The following PTGDR variants were observed in gnomAD, a reference collection of about 807,000 sequenced individuals.
PTGDR encodes the protein prostaglandin D2 receptor.
In PTGDR, 19 loss-of-function variants were observed where a neutral mutation model predicts 17.4. The ratio of observed to expected loss-of-function variants is 1.09; its 90% CI spans 0.76 to 1.60. The LOEUF is 1.60. Ranked by LOEUF, PTGDR falls within the 40% of genes most tolerant of loss-of-function variation. The pLI is 0.00. For missense variants in PTGDR, 526 were observed against 481.9 expected (o/e 1.09, Z -0.86); for synonymous variants, 267 against 224.2 (o/e 1.19, Z -1.71).
chr14:52,274,993 G>C lies in PTGDR; in HGVS notation c.*29G>C, dbSNP rs1202701737. The C allele has an allele frequency of 7.1e-7, 1 of 1,417,022 alleles. No homozygotes were observed. The highest frequency in any genetic ancestry group is 9.7e-7 in the Non-Finnish European group (1 of 1,027,206). 87.8% of individuals were successfully genotyped at this position (1,417,022 alleles called of 1,614,324 possible). A position where few individuals can be genotyped will look rare whatever the true frequency, so the allele number is the denominator to read the frequency against. On this transcript the variant is annotated 3_prime_UTR_variant, in exon 2 of 2. Coordinates refer to ENST00000306051, the MANE Select transcript of PTGDR (RefSeq NM_000953.3). ...TGTTTTTCACTCTGTGGTAAGCTGA[G>C]GAATATGTCACATTTTCAGTCAAAG...
chr14:52,279,999 G>A (rs1353964947), downstream of PTGDR, among the ~76,000 whole-genome samples: 1 of 151,848 alleles, frequency 6.6e-6, no homozygotes, highest in Non-Finnish European at 1.5e-5. Context: ...GTAAGCACTT[G>A]GAATCTAATT....
chr14:52,280,575 C>G (rs2033475547), downstream of PTGDR, among the ~76,000 whole-genome samples: 2 of 152,228 alleles, frequency 1.3e-5, no homozygotes, highest in African/African-American at 4.8e-5. Flanking sequence ...TAGAGTGCAT[C>G]ATGGCAATGT....
downstream of PTGDR, among the ~76,000 whole-genome samples, chr14:52,278,379 A>C (rs1055053111): frequency 1.3e-5 from 2 of 152,212 alleles, no homozygotes; most frequent in Non-Finnish European, 2.9e-5. Context: ...AAAAATCCAA[A>C]CACCACATGT....
chr14:52,271,791 A>G (rs1273000135), intron 1 of PTGDR, among the ~76,000 whole-genome samples: 1 of 152,232 alleles, frequency 6.6e-6, no homozygotes, highest in African/African-American at 2.4e-5. Flanking sequence ...AAGGGGAAAA[A>G]GGCAAATCAC....
intron 1 of PTGDR, chr14:52,269,659 T>C (rs2033288138): frequency 2.3e-6 from 2 of 854,984 alleles, no homozygotes; most frequent in Non-Finnish European, 3.5e-6. Flanking sequence ...ATGTAGCCAT[T>C]TTGGATATTA....
In PTGDR at chr14:52,267,728, C is replaced by T. The variant is rs2033223365; in HGVS notation, c.-87C>T. On this transcript the variant is annotated 5_prime_UTR_variant, in exon 1 of 2. Coordinates refer to ENST00000306051, the MANE Select transcript of PTGDR (RefSeq NM_000953.3). ...GCAGCTTCTCCGCCCGAGCCGCGCGCGGAGCTGCCGGGGGCTCCTTAGCAC... is the reference window on the plus strand; with the variant it reads ...GCAGCTTCTCCGCCCGAGCCGCGCGTGGAGCTGCCGGGGGCTCCTTAGCAC... 3 of 1,443,620 alleles carry T rather than the reference C, an allele frequency of 2.1e-6. No homozygotes were observed. Among genetic ancestry groups the T allele is most frequent in the Non-Finnish European group, 2.7e-6 (3 of 1,104,750 alleles). The allele number at this position is 1,443,620 out of a possible 1,614,324, so 89.4% of individuals were successfully genotyped here. A position where few individuals can be genotyped will look rare whatever the true frequency, so the allele number is the denominator to read the frequency against.
intron 1 of PTGDR, chr14:52,269,646 A>G: frequency 1.0e-6 from 1 of 960,730 alleles, no homozygotes; most frequent in South Asian, 1.7e-5. Context: ...ATTTCTTCTC[A>G]GAATGTAGCC....
At chr14:52,277,480 G>GCAA (rs903099692), downstream of PTGDR, among the ~76,000 whole-genome samples, 1 of 152,090 alleles carries the variant, frequency 6.6e-6, no homozygotes, top group Non-Finnish European at 1.5e-5. Context: ...TCAACAACAA[G>GCAA]CAACAACAAC....
Position 52,268,002 on chromosome 14 carries a change from T to C in PTGDR, c.188T>C (p.Met63Thr), listed in dbSNP as rs768882502. 1 of 1,610,186 alleles carries C rather than the reference T, an allele frequency of 6.2e-7. No individual in the cohort carries two copies. The highest frequency in any genetic ancestry group is 8.5e-7 in the Non-Finnish European group (1 of 1,179,998). ...PLRPLPSVFY[M>T]LVCGLTVTDL... ...CGCCCGCTGCCCTCGGTCTTCTACATGCTGGTGTGTGGCCTGACGGTCACC... is the reference window on the plus strand; with the variant it reads ...CGCCCGCTGCCCTCGGTCTTCTACACGCTGGTGTGTGGCCTGACGGTCACC... Residue 63 changes from methionine to threonine, a missense_variant, in exon 1 of 2, where the codon ATG becomes ACG. Met to Thr is a moderately conservative substitution (Grantham distance 81, BLOSUM62 -1). Coordinates refer to ENST00000306051, the MANE Select transcript of PTGDR (RefSeq NM_000953.3).
chr14:52,273,520 T>G (rs1240770322), intron 1 of PTGDR, among the ~76,000 whole-genome samples: 1 of 152,112 alleles, frequency 6.6e-6, no homozygotes, highest in Non-Finnish European at 1.5e-5. Flanking sequence ...GGAGAAGTTG[T>G]TAAGATTCCC....
intron 1 of PTGDR, among the ~76,000 whole-genome samples, chr14:52,271,564 T>C (rs950828572): frequency 2.0e-5 from 3 of 152,240 alleles, no homozygotes; most frequent in African/African-American, 7.2e-5. Context: ...ACAATAAGGT[T>C]ACAGAGATTA....
At chr14:52,277,299 C>T (rs940664323), downstream of PTGDR, among the ~76,000 whole-genome samples, 7 of 152,090 alleles carry the variant, frequency 4.6e-5, no homozygotes, top group African/African-American at 1.2e-4. Flanking sequence ...GAGAACTTCA[C>T]AGGAAGAAGA....
chr14:52,271,240 C>G (rs1344186945), intron 1 of PTGDR, among the ~76,000 whole-genome samples: 1 of 152,104 alleles, frequency 6.6e-6, no homozygotes, highest in African/African-American at 2.4e-5. Flanking sequence ...ATTATTATTA[C>G]TATTTATAAC....
In PTGDR at chr14:52,268,606, C is replaced by G. The variant is rs1203923226; in HGVS notation, c.792C>G (p.Leu264=). The G allele has an allele frequency of 1.2e-6, 2 of 1,608,274 alleles. No individual in the cohort carries two copies. Among genetic ancestry groups the G allele is most frequent in the South Asian group, 1.1e-5 (1 of 90,346 alleles). Residue 264 remains leucine, a synonymous_variant, in exon 1 of 2, where the codon CTC becomes CTG. Transcript: ENST00000306051. ...SPQPLEELDH[L]LLLALMTVLF... is the part of the protein sequence containing the mutation. ...AGCCCCTGGAGGAGCTGGATCACCTCCTGCTGCTGGCGCTGATGACCGTGC... is the reference window on the plus strand; with the variant it reads ...AGCCCCTGGAGGAGCTGGATCACCTGCTGCTGCTGGCGCTGATGACCGTGC...
chr14:52,268,318 C>A lies in PTGDR; in HGVS notation c.504C>A (p.Phe168Leu), dbSNP rs992242015. 6.2e-7 allele frequency: 1 copy of A among 1,613,928 alleles called. No individual in the cohort carries two copies. The highest frequency in any genetic ancestry group is 2.2e-5 in the East Asian group (1 of 44,862). Residue 168 changes from phenylalanine (F) to leucine (L), a missense_variant, in exon 1 of 2, where the codon TTC becomes TTA. Physicochemically the swap from Phe to Leu is conservative, Grantham distance 22. Coordinates refer to ENST00000306051, the MANE Select transcript of PTGDR (RefSeq NM_000953.3). The stretch of plus-strand genomic sequence containing the variant: ...CCCTGGCTTTCTGCGCGCTACCTTT[C>A]ATGGGCTTCGGGAAGTTCGTGCAGT... ...AFSLAFCALP[F>L]MGFGKFVQYC...
At chr14:52,272,592 C>T (rs2033342246) in intron 1 of PTGDR, among the ~76,000 whole-genome samples, 2 of 152,274 alleles carry the variant, frequency 1.3e-5, no homozygotes, top group Admixed American at 6.5e-5. Flanking sequence ...ACCTCCTGGA[C>T]ATCCCTGCCA....
rs1199609057 is a variant in PTGDR, at chr14:52,276,007, C to CT, written c.*1045dup. ...CTGCTGTCCGTGGAGACGGTAAGAT[C>CT]TTAGGTTCCAAGATTTTACTTCAAA... On this transcript the variant is annotated 3_prime_UTR_variant, in exon 2 of 2. Transcript: ENST00000306051. The CT allele has an allele frequency of 1.3e-5, 2 of 152,712 alleles. No homozygotes were observed. Among genetic ancestry groups the CT allele is most frequent in the African/African-American group, 4.8e-5 (2 of 41,552 alleles). The allele number at this position is 152,712 out of a possible 1,614,324, so 9.5% of individuals were successfully genotyped here.
In PTGDR at chr14:52,274,807, C is replaced by G. The variant is rs780267442; in HGVS notation, c.923C>G (p.Ala308Gly). ...TCTGAAGAAGCAGAAGACCTCCGAG[C>G]CTTGCGATTTCTATCTGTGATTTCA... ...RTSEEAEDLRALRFLSVISIV... is the reference protein window; with the variant it reads ...RTSEEAEDLRGLRFLSVISIV... Residue 308 changes from alanine to glycine, a missense_variant, in exon 2 of 2, where the codon GCC becomes GGC. By Grantham distance (60) the Ala-to-Gly change is moderately conservative. Coordinates refer to ENST00000306051, the MANE Select transcript of PTGDR (RefSeq NM_000953.3). 4.3e-6 allele frequency: 7 copies of G among 1,613,448 alleles called. No individual in the cohort carries two copies. Among genetic ancestry groups the G allele is most frequent in the African/African-American group, 1.3e-5 (1 of 74,900 alleles).
intron 1 of PTGDR, among the ~76,000 whole-genome samples, chr14:52,272,701 G>C (rs982615715): frequency 2.6e-5 from 4 of 152,024 alleles, no homozygotes; most frequent in Non-Finnish European, 5.9e-5. Context: ...ATCTACCTCA[G>C]ACCCTTTCCC....
Sources: allele counts gnomAD v4.1 joint callset (sites outside exome capture counted in the v4.1 genomes callset), GRCh38; gene constraint gnomAD v4.1.1; transcripts MANE v1.5; gene names NCBI Gene and HGNC (gene_info 2026-07-23, HGNC 2026-07-21).